Variants in ATP8A2 observed in about 807,000 individuals in gnomAD.
ATP8A2 encodes phospholipid-transporting ATPase IB.
ATP8A2 carries 100 observed loss-of-function variants against 165.6 expected under a neutral mutation model. The observed-to-expected ratio is 0.60, with a 90% CI of 0.51 to 0.71. The LOEUF (loss-of-function observed/expected upper bound fraction) is 0.71, where lower values mean the gene tolerates loss of function less well. Among genes scored for constraint, ATP8A2 ranks in the 30% least tolerant of loss-of-function variants. The probability of loss-of-function intolerance (pLI) is 0.00; values close to 1 mark genes in which losing one functional copy is unlikely to be tolerated. For missense variants in ATP8A2, 1,227 were observed against 1,479.5 expected (o/e 0.83, Z 2.80); for synonymous variants, 543 against 548.8 (o/e 0.99, Z 0.15).
intron 2 of ATP8A2, among the ~76,000 whole-genome samples, chr13:25,506,895 G>A (rs2037054028): frequency 6.8e-6 from 1 of 147,676 alleles, no homozygotes. Flanking sequence ...TCAGATTTTC[G>A]GATTAGGGAT....
rs550683847 is a variant in ATP8A2 at position 25,750,514 on chromosome 13, G to A, written c.2385-18532G>A. On this transcript the variant is annotated intron_variant, in intron 25 of 36. Coordinates refer to ENST00000381655, the MANE Select transcript of ATP8A2 (RefSeq NM_016529.6). This position sits in a 1 kb window ranked among gnomAD's most constrained non-coding sequence, Gnocchi z 4.3. ...CACCTGCTTCCATGTTGCTCTGCCC[G>A]GCTCCCATTCCGAAGGCCGGTGGTT... Among the ~76,000 whole-genome samples, 43 of 151,994 alleles carry A rather than the reference G, an allele frequency of 2.8e-4. No individual in the cohort carries two copies. The highest frequency in any genetic ancestry group is 9.4e-4 in the African/African-American group (39 of 41,434).
intron 35 of ATP8A2, among the ~76,000 whole-genome samples, chr13:25,986,801 T>C (rs1956287961): frequency 6.6e-6 from 1 of 152,188 alleles, no homozygotes; most frequent in Non-Finnish European, 1.5e-5. Context: ...TTTTCCATAA[T>C]GGCTACACCA....
intron 24 of ATP8A2, among the ~76,000 whole-genome samples, chr13:25,611,672 G>A (rs2040690993): frequency 1.3e-5 from 2 of 151,914 alleles, no homozygotes; most frequent in South Asian, 4.1e-4. Context: ...AATGATTTAG[G>A]GAGGGTTCTC....
intron 4 of ATP8A2, among the ~76,000 whole-genome samples, chr13:25,531,722 A>T (rs754285093): frequency 6.6e-6 from 1 of 152,140 alleles, no homozygotes; most frequent in Non-Finnish European, 1.5e-5. Context: ...TGATGGCTGC[A>T]CAAAATTATT....
At chr13:25,483,138 G>A (rs1359548467) in intron 2 of ATP8A2, among the ~76,000 whole-genome samples, 1 of 152,196 alleles carries the variant, frequency 6.6e-6, no homozygotes, top group Non-Finnish European at 1.5e-5. Flanking sequence ...TGCTGTCATT[G>A]CCCAGGAAGA....
At chr13:25,892,094 G>C (rs1245188875) in intron 33 of ATP8A2, among the ~76,000 whole-genome samples, 1 of 151,540 alleles carries the variant, frequency 6.6e-6, no homozygotes, top group Non-Finnish European at 1.5e-5. Flanking sequence ...TCCTGCCTCA[G>C]CCTCCCGAGT....
intron 1 of ATP8A2, among the ~76,000 whole-genome samples, chr13:25,381,482 T>A (rs977902624): frequency 1.3e-5 from 2 of 152,120 alleles, no homozygotes; most frequent in African/African-American, 4.8e-5. Context: ...CAAAGGTAGG[T>A]TTTATTACCA....
chr13:25,601,761 C>A (rs766290304), intron 24 of ATP8A2, among the ~76,000 whole-genome samples: 1 of 152,218 alleles, frequency 6.6e-6, no homozygotes, highest in Non-Finnish European at 1.5e-5. Flanking sequence ...TGAGCCACTG[C>A]GCCCGGCCAG....
intron 33 of ATP8A2, among the ~76,000 whole-genome samples, chr13:25,931,278 GT>G (rs1452643394): frequency 1.3e-5 from 2 of 152,196 alleles, no homozygotes; most frequent in Non-Finnish European, 2.9e-5. Context: ...TATATGAAAT[GT>G]AAATGAATTT....
At chr13:25,796,552 C>G (rs1215590405) in intron 27 of ATP8A2, among the ~76,000 whole-genome samples, 12 of 152,166 alleles carry the variant, frequency 7.9e-5, no homozygotes, top group Non-Finnish European at 1.8e-4. Flanking sequence ...TGGGGACCTA[C>G]TGGGGAAGAG....
chr13:25,854,352 A>G (rs1258589484), intron 30 of ATP8A2, among the ~76,000 whole-genome samples: 3 of 152,128 alleles, frequency 2.0e-5, no homozygotes, highest in South Asian at 4.1e-4. Flanking sequence ...TTGTTTTTAT[A>G]AGAGACAGGG....
chr13:25,603,963 T>A (rs980432612), intron 24 of ATP8A2, among the ~76,000 whole-genome samples: 1 of 152,014 alleles, frequency 6.6e-6, no homozygotes, highest in Non-Finnish European at 1.5e-5. Flanking sequence ...TGTAGTGTTT[T>A]CAATTCTGTG....
chr13:25,618,444 A>G (rs577218555), intron 24 of ATP8A2, among the ~76,000 whole-genome samples: 2,669 of 152,086 alleles, frequency 0.018, 85 homozygotes, highest in African/African-American at 0.06. Context: ...ATTTTCGGGA[A>G]GAAGGTGTGG....
intron 23 of ATP8A2, among the ~76,000 whole-genome samples, chr13:25,585,675 T>C (rs1425393960): frequency 6.6e-6 from 1 of 152,218 alleles, no homozygotes; most frequent in Non-Finnish European, 1.5e-5. Flanking sequence ...AAGTTTAATT[T>C]TAGGAAGTGA....
intron 33 of ATP8A2, among the ~76,000 whole-genome samples, chr13:25,936,687 G>A (rs1464256374): frequency 6.6e-6 from 1 of 152,168 alleles, no homozygotes; most frequent in African/African-American, 2.4e-5. Context: ...AGTTTGCAGA[G>A]CAGAGGGAGG....
intron 2 of ATP8A2, among the ~76,000 whole-genome samples, chr13:25,483,930 G>A (rs985129054): frequency 6.6e-6 from 1 of 152,194 alleles, no homozygotes; most frequent in Non-Finnish European, 1.5e-5. Flanking sequence ...TCGGGGAAAA[G>A]GGAAGTGGAC....
Position 25,372,084 on chromosome 13 carries a change from G to A in ATP8A2, c.-129G>A. On this transcript the variant is annotated 5_prime_UTR_variant, in exon 1 of 37. Coordinates refer to ENST00000381655, the MANE Select transcript of ATP8A2 (RefSeq NM_016529.6). This position sits in a 1 kb window ranked among gnomAD's most constrained non-coding sequence, Gnocchi z 4.8. Reference sequence around the variant, plus strand: ...GCGCGGCCCGGCACAGGCGCCGGCGGTCCCCGCCAGCTAGCAGCCCGGCGA... The same window carrying A: ...GCGCGGCCCGGCACAGGCGCCGGCGATCCCCGCCAGCTAGCAGCCCGGCGA... 1 of 575,726 alleles carries A rather than the reference G, an allele frequency of 1.7e-6. No homozygotes were observed. The highest frequency in any genetic ancestry group is 4.8e-5 in the Admixed American group (1 of 20,758). 35.7% of individuals were successfully genotyped at this position (575,726 alleles called of 1,614,324 possible).
chr13:25,573,450 G>A (rs1039607071), intron 18 of ATP8A2, among the ~76,000 whole-genome samples: 3 of 152,116 alleles, frequency 2.0e-5, no homozygotes, highest in Admixed American at 6.6e-5. Context: ...GTTAGGACTC[G>A]TAGATAACAG....
At chr13:25,973,082 C>T (rs1270911483) in intron 35 of ATP8A2, among the ~76,000 whole-genome samples, 4 of 152,108 alleles carry the variant, frequency 2.6e-5, no homozygotes, top group Non-Finnish European at 5.9e-5. Flanking sequence ...GAGCCCAGGG[C>T]TGATATTCTC....
Sources: allele counts gnomAD v4.1 joint callset (sites outside exome capture counted in the v4.1 genomes callset), GRCh38; gene constraint gnomAD v4.1.1; non-coding constraint Gnocchi (gnomAD v3.1); transcripts MANE v1.5; gene names NCBI Gene and HGNC (gene_info 2026-07-23, HGNC 2026-07-21).